The following TAPBPL variants were observed in gnomAD, a reference collection of about 807,000 sequenced individuals.
The protein encoded by TAPBPL is tapasin-related protein.
TAPBPL carries 32 observed loss-of-function variants against 44.8 expected under a neutral mutation model. The observed-to-expected ratio is 0.71, with a 90% confidence interval of 0.54 to 0.96. The LOEUF (loss-of-function observed/expected upper bound fraction) is 0.96. TAPBPL is among the 40% of genes least tolerant of loss of function. The probability of loss-of-function intolerance (pLI) is 0.00; values close to 1 mark genes in which losing one functional copy is unlikely to be tolerated. For missense variants in TAPBPL, 520 were observed against 586.6 expected (o/e 0.89, Z 1.17); for synonymous variants, 230 against 240.7 (o/e 0.96, Z 0.41).
downstream of TAPBPL, chr12:6,464,202 G>T: frequency 6.7e-7 from 1 of 1,483,388 alleles, no homozygotes; most frequent in Non-Finnish European, 9.0e-7. Context: ...TTGGGGCTTT[G>T]GGGGAACTTG....
chr12:6,452,745 T>A (rs1474786739), intron 1 of TAPBPL: 4 of 608,002 alleles, frequency 6.6e-6, no homozygotes, highest in Non-Finnish European at 1.0e-5. Context: ...CTCTCTGCGG[T>A]GGCACTTGCT....
At chr12:6,463,663 G>C (rs185066094), downstream of TAPBPL, 5 of 1,083,226 alleles carry the variant, frequency 4.6e-6, no homozygotes, top group African/African-American at 8.5e-5. This position sits in a 1 kb window ranked among gnomAD's most constrained non-coding sequence, Gnocchi z 4.0. Flanking sequence ...AAATTATTTG[G>C]CTAGATAAAA....
At chr12:6,454,515 C>G (rs774799344) in intron 3 of TAPBPL, among the ~76,000 whole-genome samples, 6 of 152,138 alleles carry the variant, frequency 3.9e-5, no homozygotes, top group Non-Finnish European at 8.8e-5. Flanking sequence ...GAGAATGCTT[C>G]GCAGCCCCTA....
intron 4 of TAPBPL, among the ~76,000 whole-genome samples, chr12:6,458,104 G>C (rs910453207): frequency 6.6e-6 from 1 of 152,190 alleles, no homozygotes; most frequent in Non-Finnish European, 1.5e-5. Flanking sequence ...CTCTGGCTTA[G>C]AGGCCGGGCG....
chr12:6,465,908 T>C (rs2137008216), downstream of TAPBPL: 3 of 1,614,274 alleles, frequency 1.9e-6, no homozygotes, highest in Non-Finnish European at 2.5e-6. Flanking sequence ...GTGATGCTCC[T>C]GCCTGCAAGG....
At chr12:6,464,009 C>A (rs1328425506), downstream of TAPBPL, 6 of 1,292,574 alleles carry the variant, frequency 4.6e-6, no homozygotes, top group Non-Finnish European at 6.1e-6. Context: ...GAAAGCTCCA[C>A]ATGACCAGGC....
downstream of TAPBPL, among the ~76,000 whole-genome samples, chr12:6,468,079 C>G (rs1246719982): frequency 2.6e-5 from 4 of 152,242 alleles, no homozygotes; most frequent in Non-Finnish European, 5.9e-5. Context: ...AGCCCCCACA[C>G]AGAGTCCCCA....
intron 4 of TAPBPL, 137 bp downstream of exon 4, chr12:6,457,881 C>A: frequency 1.1e-6 from 1 of 940,042 alleles, no homozygotes; most frequent in Non-Finnish European, 1.6e-6. Flanking sequence ...CCATCTTCAC[C>A]ATGGAAGCAC....
chr12:6,459,406 T>C (rs2534709), intron 5 of TAPBPL, among the ~76,000 whole-genome samples: 36,925 of 152,172 alleles, frequency 0.24, 5,023 homozygotes, highest in South Asian at 0.35. Flanking sequence ...CAGCTAGAGC[T>C]TAGGGTATAT....
downstream of TAPBPL, chr12:6,465,340 TAAAAGA>T (rs1259261239): frequency 6.9e-6 from 2 of 289,444 alleles, no homozygotes; most frequent in Admixed American, 5.2e-5. Flanking sequence ...AAAGCTGATT[TAAAAGA>T]AAAAGAAAAA....
chr12:6,464,821 G>A (rs1048103146), downstream of TAPBPL: 2 of 1,606,726 alleles, frequency 1.2e-6, no homozygotes, highest in African/African-American at 2.7e-5. Context: ...CAGGCAGGCA[G>A]GCAGGCAGGG....
chr12:6,458,950 A>G lies in TAPBPL; in HGVS notation c.1207+3A>G. On this transcript the variant is annotated splice_donor_region_variant and intron_variant, in intron 5 of 6. Transcript: ENST00000266556. The stretch of plus-strand genomic sequence containing the variant: ...CAGCACCCAGGTTGTCCCACCAGGT[A>G]CTGGGAGTGTCCTCCTTTTCCCCAC... 1 of 1,611,720 alleles carries G rather than the reference A, an allele frequency of 6.2e-7. No homozygotes were observed. Among genetic ancestry groups the G allele is most frequent in the African/African-American group, 1.3e-5 (1 of 74,996 alleles).
chr12:6,464,547 G>T, downstream of TAPBPL: 1 of 1,467,406 alleles, frequency 6.8e-7, no homozygotes, highest in Non-Finnish European at 9.0e-7. Context: ...GAAAACAAGA[G>T]GGTGAATTAC....
intron 1 of TAPBPL, 68 bp downstream of exon 1, chr12:6,452,380 C>T: frequency 6.5e-7 from 1 of 1,527,646 alleles, no homozygotes; most frequent in Non-Finnish European, 8.8e-7. Flanking sequence ...GCCACCCTCC[C>T]CGAGATTCCA....
At chr12:6,466,094 C>A, downstream of TAPBPL, 2 of 1,611,406 alleles carry the variant, frequency 1.2e-6, no homozygotes, top group South Asian at 2.2e-5. Context: ...CCCTGTGCAA[C>A]TCTAAAGGGT....
chr12:6,458,984 T>C (rs1389012521), intron 5 of TAPBPL, 37 bp downstream of exon 5: 14 of 1,595,624 alleles, frequency 8.8e-6, no homozygotes, highest in African/African-American at 1.3e-5. Context: ...ACCTCCACAC[T>C]AGGGCTCATG....
intron 1 of TAPBPL, 165 bp downstream of exon 1, chr12:6,452,477 A>C (rs927945740): frequency 9.4e-6 from 13 of 1,376,358 alleles, no homozygotes; most frequent in Non-Finnish European, 1.0e-5. Flanking sequence ...AGGAACCAAT[A>C]GTGTGTGTGG....
chr12:6,457,916 G>A (rs1367437590), intron 4 of TAPBPL, among the ~76,000 whole-genome samples, 172 bp downstream of exon 4: 10 of 152,170 alleles, frequency 6.6e-5, no homozygotes, highest in African/African-American at 2.2e-4. Context: ...AAGGAGTCCC[G>A]TTGGACTCCA....
At chr12:6,464,712 A>C, downstream of TAPBPL, 9 of 1,509,340 alleles carry the variant, frequency 6.0e-6, no homozygotes, top group South Asian at 1.1e-4. Context: ...AGGCTTGTCC[A>C]TCAAAGAAAT....
Sources: gnomAD v4.1 joint callset for allele counts (sites outside exome capture counted in the v4.1 genomes callset) on GRCh38, gnomAD v4.1.1 for gene constraint, Gnocchi (gnomAD v3.1) non-coding constraint, MANE v1.5 for transcripts, NCBI Gene and HGNC (gene_info 2026-07-23, HGNC 2026-07-21) for gene names.